Variants in PTCH1 observed in about 807,000 individuals in gnomAD.
PTCH1 encodes the protein patched 1.
Under a neutral mutation model 144.6 loss-of-function variants are expected in PTCH1, and 14 were observed. The observed-to-expected ratio is 0.10, with a 90% CI of 0.06 to 0.15. The LOEUF (loss-of-function observed/expected upper bound fraction) is 0.15. Ranked by LOEUF, PTCH1 falls within the 10% of genes least tolerant of loss-of-function variation. PTCH1 has a pLI of 1.00. For missense variants in PTCH1, 1,623 were observed against 1,948.3 expected, an observed-to-expected ratio of 0.83 and a Z score of 3.14; for synonymous variants, 833 against 793.6, an observed-to-expected ratio of 1.05 and a Z score of -0.83.
At position 95,449,214 on chromosome 9, in the gene PTCH1, G is replaced by C. The variant is rs1375226181; in HGVS notation, c.3659C>G (p.Ser1220Cys). The change falls in exon 22 of 24, where the codon TCC becomes TGC. Residue 1220 changes from serine (S) to cysteine (C), a missense_variant. Physicochemically the swap from Ser to Cys is moderately radical, Grantham distance 112. Around this residue, in one of 7 missense-constraint regions of PTCH1, gnomAD observed 504 missense variants for 679.3 expected, o/e 0.74. Coordinates refer to ENST00000331920, the MANE Select transcript of PTCH1 (RefSeq NM_000264.5). This position sits in a 1 kb window ranked among gnomAD's most constrained non-coding sequence, Gnocchi z 5.3. The stretch of plus-strand genomic sequence containing the variant: ...CTGGGAACTATACTCCGAGTCGGAG[G>C]AATCAGACCCGCTGTGCGTGTGGCC... ...PPGHTHSGSD[S>C]SDSEYSSQTT... The C allele has an allele frequency of 1.2e-6, 2 of 1,601,914 alleles. No individual in the cohort carries two copies. Among genetic ancestry groups the C allele is most frequent in the Non-Finnish European group, 1.7e-6 (2 of 1,174,262 alleles).
intron 12 of PTCH1, among the ~76,000 whole-genome samples, chr9:95,472,881 C>T (rs984194437): frequency 2.0e-5 from 3 of 152,156 alleles, no homozygotes; most frequent in South Asian, 2.1e-4. Flanking sequence ...GAAGGGTTGT[C>T]GCAAAGGCAA....
At chr9:95,494,214 C>T (rs1209590885) in intron 2 of PTCH1, 2 of 985,528 alleles carry the variant, frequency 2.0e-6, no homozygotes, top group African/African-American at 3.5e-5. Flanking sequence ...CATCTGTTAT[C>T]AGCCTTGCCC....
chr9:95,474,584 G>A (rs954574953), intron 12 of PTCH1, among the ~76,000 whole-genome samples: 4 of 152,048 alleles, frequency 2.6e-5, no homozygotes, highest in South Asian at 2.1e-4. Context: ...TGGGGCTGGC[G>A]GTTACGGTAA....
chr9:95,447,970 G>A (rs1006880645), intron 22 of PTCH1, among the ~76,000 whole-genome samples: 21 of 152,226 alleles, frequency 1.4e-4, no homozygotes, highest in South Asian at 2.1e-4. Context: ...CATTTCAAGT[G>A]CTCCACAGCC....
In PTCH1 at chr9:95,458,425, CTG is replaced by C. The variant is rs1427032812; in HGVS notation, c.2888-134_2888-133del. Reference sequence around the variant, plus strand: ...TACATGATACAAAGAACAAACAATGCTGATCATAGCCTCCAGGCCTTTACGAT... The same window carrying C: ...TACATGATACAAAGAACAAACAATGCATCATAGCCTCCAGGCCTTTACGAT... On this transcript the variant is annotated intron_variant, in intron 17 of 23. Coordinates refer to ENST00000331920, the MANE Select transcript of PTCH1 (RefSeq NM_000264.5). The surrounding 1 kb of genome is among the most constrained non-coding windows in gnomAD (Gnocchi z 4.7). The C allele has an allele frequency of 2.5e-6, 3 of 1,183,092 alleles. No individual in the cohort carries two copies. The African/African-American group carries it at 4.6e-5, about 18-fold the overall frequency. The allele number at this position is 1,183,092 out of a possible 1,614,324, so 73.3% of individuals were successfully genotyped here. A position where few individuals can be genotyped will look rare whatever the true frequency, so the allele number is the denominator to read the frequency against.
chr9:95,471,038 G>T (rs1840523072), intron 12 of PTCH1, among the ~76,000 whole-genome samples: 1 of 151,832 alleles, frequency 6.6e-6, no homozygotes, highest in African/African-American at 2.4e-5. Flanking sequence ...AGCCAAGATT[G>T]CACCACTGCA....
Position 95,449,266 on chromosome 9 carries a change from T to G in PTCH1, c.3607A>C (p.Ser1203Arg), listed in dbSNP as rs1564008885. Residue 1203 changes from serine to arginine, a missense_variant, in exon 22 of 24, where the codon AGC becomes CGC. Physicochemically the swap from Ser to Arg is moderately radical, Grantham distance 110. Coordinates refer to ENST00000331920, the MANE Select transcript of PTCH1 (RefSeq NM_000264.5). The surrounding 1 kb of genome is among the most constrained non-coding windows in gnomAD (Gnocchi z 5.3). ...GGCGGCATGGCGAAGCGGACCACGC[T>G]GGGGGGTGGCTCAGGGGAGGGTGTG... The part of the protein sequence containing the change: ...LPTPSPEPPP[S>R]VVRFAMPPGH... 9.6e-6 allele frequency: 15 copies of G among 1,564,386 alleles called. No individual in the cohort carries two copies. The Middle Eastern group carries it at 6.6e-4, about 69-fold the overall frequency.
At chr9:95,506,061 G>A (rs1190853058) in intron 2 of PTCH1, among the ~76,000 whole-genome samples, 2 of 148,028 alleles carry the variant, frequency 1.4e-5, no homozygotes, top group Admixed American at 6.7e-5. Flanking sequence ...CAGCCCCGGG[G>A]CGCCTCTCGG....
intron 2 of PTCH1, among the ~76,000 whole-genome samples, chr9:95,492,854 G>T (rs1842519771): frequency 6.6e-6 from 1 of 151,972 alleles, no homozygotes; most frequent in South Asian, 2.1e-4. Context: ...GGTCACAGTG[G>T]ACAGGCCTCA....
chr9:95,481,005 T>A (rs563303686), intron 5 of PTCH1, among the ~76,000 whole-genome samples: 213 of 152,298 alleles, frequency 1.4e-3, no homozygotes, highest in South Asian at 0.011. Flanking sequence ...ATATTTGATC[T>A]CTGCTACCTT....
At chr9:95,471,030 C>G (rs1178975838) in intron 12 of PTCH1, among the ~76,000 whole-genome samples, 1 of 151,650 alleles carries the variant, frequency 6.6e-6, no homozygotes, top group African/African-American at 2.4e-5. Flanking sequence ...TTGCAGTGAG[C>G]CAAGATTGCA....
At chr9:95,507,908 ACACACACACACG>A (rs1023297821) in intron 1 of PTCH1, 6 of 1,356,288 alleles carry the variant, frequency 4.4e-6, no homozygotes, top group African/African-American at 2.9e-5. Context: ...GTGTGTATAC[ACACACACACACG>A]CACACACACA....
intron 2 of PTCH1, among the ~76,000 whole-genome samples, chr9:95,493,509 C>G (rs1167537586): frequency 1.3e-5 from 2 of 152,152 alleles, no homozygotes; most frequent in African/African-American, 4.8e-5. Flanking sequence ...TTAATTCCCC[C>G]CAAAGCCTCA....
intron 2 of PTCH1, among the ~76,000 whole-genome samples, chr9:95,504,347 G>A (rs1193222467): frequency 6.6e-6 from 1 of 152,196 alleles, no homozygotes; most frequent in Non-Finnish European, 1.5e-5. Context: ...CTCCTTCCAG[G>A]ACTTGAAATG....
At chr9:95,509,274 G>T (rs935906896), upstream of PTCH1, among the ~76,000 whole-genome samples, 1 of 151,620 alleles carries the variant, frequency 6.6e-6, no homozygotes, top group Non-Finnish European at 1.5e-5. Flanking sequence ...GGTGGAGGGG[G>T]AGAGAGCGAG....
At chr9:95,487,875 A>ACC (rs1440334584) in intron 2 of PTCH1, among the ~76,000 whole-genome samples, 1 of 151,926 alleles carries the variant, frequency 6.6e-6, no homozygotes, top group South Asian at 2.1e-4. Flanking sequence ...AACAAAGCAC[A>ACC]CCCCCCACCC....
upstream of PTCH1, among the ~76,000 whole-genome samples, chr9:95,513,379 C>T (rs1172956381): frequency 6.6e-6 from 1 of 152,202 alleles, no homozygotes; most frequent in Non-Finnish European, 1.5e-5. Flanking sequence ...GTTTAATACT[C>T]TTCCAGAAAT....
At chr9:95,462,353 C>A (rs1839563914) in intron 15 of PTCH1, among the ~76,000 whole-genome samples, 1 of 152,188 alleles carries the variant, frequency 6.6e-6, no homozygotes, top group Non-Finnish European at 1.5e-5. Flanking sequence ...CCGTTTCGTG[C>A]CACTCGGGGT....
At chr9:95,482,361 CT>C (rs1364128798) in intron 3 of PTCH1, 158 bp from the exon 4 acceptor site, 1 of 696,500 alleles carries the variant, frequency 1.4e-6, no homozygotes, top group African/African-American at 1.8e-5. Flanking sequence ...ACCCAGCAAG[CT>C]TGCTTTAATG....
Sources: gnomAD v4.1 joint callset for allele counts (sites outside exome capture counted in the v4.1 genomes callset) on GRCh38, gnomAD v4.1.1 for gene constraint, gnomAD v4.1.1 regional missense constraint, Gnocchi (gnomAD v3.1) non-coding constraint, MANE v1.5 for transcripts, NCBI Gene and HGNC (gene_info 2026-07-23, HGNC 2026-07-21) for gene names.